ERAP1: variants seen among roughly 807,000 people sequenced by gnomAD.
ERAP1 encodes the protein endoplasmic reticulum aminopeptidase 1.
ERAP1 carries 86 observed loss-of-function variants against 103.7 expected under a neutral mutation model. That is an observed-to-expected ratio of 0.83 (90% CI 0.70 to 0.99). The LOEUF is 0.99. Among genes scored for constraint, ERAP1 ranks in the 50% least tolerant of loss-of-function variants. The probability of loss-of-function intolerance (pLI) is 0.00; values close to 1 mark genes in which losing one functional copy is unlikely to be tolerated. For missense variants in ERAP1, 1,009 were observed against 1,128.4 expected (o/e 0.89, Z 1.52); for synonymous variants, 398 against 402.4 (o/e 0.99, Z 0.13).
At chr5:96,847,431 C>A in the ERAP1 span, among the ~76,000 whole-genome samples, 2 of 152,024 alleles carry the variant, frequency 1.3e-5, no homozygotes, top group Non-Finnish European at 1.5e-5. Flanking sequence ...GACAGAAAAT[C>A]AATTAGGAAA....
the ERAP1 span, among the ~76,000 whole-genome samples, chr5:96,828,577 G>A: frequency 3.4e-4 from 51 of 152,160 alleles, 1 homozygote; most frequent in Admixed American, 1.3e-4. Context: ...ATAGGGCAGG[G>A]TGGTATTTGG....
the ERAP1 span, among the ~76,000 whole-genome samples, chr5:96,923,101 G>C: frequency 6.6e-6 from 1 of 152,014 alleles, no homozygotes; most frequent in Non-Finnish European, 1.5e-5. Context: ...AGCTTCCCAC[G>C]TAGTTGTGAC....
chr5:96,780,718 G>A (rs1221384082), intron 17 of ERAP1, among the ~76,000 whole-genome samples: 1 of 152,186 alleles, frequency 6.6e-6, no homozygotes. Flanking sequence ...GAAAATGACA[G>A]AAGCAGGAAA....
At chr5:96,874,250 C>T in the ERAP1 span, among the ~76,000 whole-genome samples, 1 of 152,086 alleles carries the variant, frequency 6.6e-6, no homozygotes, top group Non-Finnish European at 1.5e-5. Context: ...TTTAAATAAG[C>T]TACAAGTACT....
At chr5:96,919,719 A>T in the ERAP1 span, 18 of 152,458 alleles carry the variant, frequency 1.2e-4, no homozygotes, top group East Asian at 3.4e-3. Context: ...TGTACTTATT[A>T]GTGTAGTATT....
At chr5:96,927,123 C>T in the ERAP1 span, among the ~76,000 whole-genome samples, 1 of 152,112 alleles carries the variant, frequency 6.6e-6, no homozygotes, top group African/African-American at 2.4e-5. Context: ...AGTCTATGTA[C>T]AAGTTTTTGA....
At chr5:96,786,933 C>A (rs562971876) in intron 11 of ERAP1, among the ~76,000 whole-genome samples, 1 of 152,200 alleles carries the variant, frequency 6.6e-6, no homozygotes, top group South Asian at 2.1e-4. Flanking sequence ...TGAACCTGAT[C>A]ATGGAGAAAC....
At chr5:96,770,921 A>C (rs1772075911), downstream of ERAP1, among the ~76,000 whole-genome samples, 1 of 152,118 alleles carries the variant, frequency 6.6e-6, no homozygotes, top group African/African-American at 2.4e-5. Context: ...GAAGTTGGAA[A>C]CTTCCTATTA....
the ERAP1 span, chr5:96,909,181 C>A: frequency 6.5e-7 from 1 of 1,539,964 alleles, no homozygotes; most frequent in Non-Finnish European, 8.9e-7. Flanking sequence ...CAGTCAGGCT[C>A]AGTTTGTTTT....
the ERAP1 span, among the ~76,000 whole-genome samples, chr5:96,828,280 T>C: frequency 1.3e-5 from 2 of 152,182 alleles, no homozygotes; most frequent in Admixed American, 6.5e-5. Context: ...AAAATAAACA[T>C]TGATACATTT....
At chr5:96,926,058 G>A in the ERAP1 span, among the ~76,000 whole-genome samples, 2 of 151,878 alleles carry the variant, frequency 1.3e-5, no homozygotes, top group Non-Finnish European at 2.9e-5. Context: ...CTACAGGCGC[G>A]TGCCACCACG....
At chr5:96,852,430 T>C in the ERAP1 span, among the ~76,000 whole-genome samples, 1 of 152,118 alleles carries the variant, frequency 6.6e-6, no homozygotes, top group Non-Finnish European at 1.5e-5. Context: ...AAGTCAGACA[T>C]AGAAAAGAAA....
the ERAP1 span, among the ~76,000 whole-genome samples, chr5:96,840,815 C>T: frequency 6.6e-6 from 1 of 151,996 alleles, no homozygotes; most frequent in Non-Finnish European, 1.5e-5. Flanking sequence ...AAGCGATTCT[C>T]CTGCCTCAGC....
At chr5:96,783,790 T>C (rs1312878660) in intron 14 of ERAP1, 134 bp downstream of exon 14, 1 of 942,592 alleles carries the variant, frequency 1.1e-6, no homozygotes, top group African/African-American at 1.7e-5. Context: ...TAATATTTAT[T>C]TGCTTTTCCT....
At position 96,780,466 on chromosome 5, in the gene ERAP1, A is replaced by G. The variant is rs1192903496; in HGVS notation, c.2627T>C (p.Met876Thr). 6.2e-7 allele frequency: 1 copy of G among 1,613,374 alleles called. No individual in the cohort carries two copies. The highest frequency in any genetic ancestry group is 8.5e-7 in the Non-Finnish European group (1 of 1,179,734). ...TGTGGAGAATTGATTTGTTGTACCC[A>G]TTACCATGTGGGCTATGGAAGATGA... is the stretch of plus-strand genomic sequence containing the variant. ...LGSSSIAHMV[M>T]GTTNQFSTRT... Residue 876 changes from methionine to threonine, a missense_variant, in exon 18 of 19, where the codon ATG becomes ACG. Met to Thr is a moderately conservative substitution (Grantham distance 81). This residue lies in a region of ERAP1 where 611 missense variants were observed against 651.7 expected (regional missense o/e 0.94). Coordinates refer to ENST00000443439, the MANE Select transcript of ERAP1 (RefSeq NM_001040458.3).
the ERAP1 span, among the ~76,000 whole-genome samples, chr5:96,933,398 A>G: frequency 6.6e-6 from 1 of 151,760 alleles, no homozygotes; most frequent in Non-Finnish European, 1.5e-5. Flanking sequence ...ACTCCCGGCT[A>G]ATTTTATTTT....
chr5:96,795,107 G>C lies in ERAP1; in HGVS notation c.854C>G (p.Ala285Gly). ...ATAAAATTCTAGAAGAGTCACCGCA[G>C]CATCCAGTGCATAATCTGCTTGATT... ...KINQADYALD[A>G]AVTLLEFYED... The change falls in exon 5 of 19, where the codon GCT becomes GGT. Residue 285 changes from alanine (A) to glycine (G), a missense_variant. Around this residue, in one of 3 missense-constraint regions of ERAP1, gnomAD observed 392 missense variants for 455.2 expected, o/e 0.86. Transcript: ENST00000443439. The C allele has an allele frequency of 6.2e-7, 1 of 1,613,812 alleles. No homozygotes were observed. The highest frequency in any genetic ancestry group is 8.5e-7 in the Non-Finnish European group (1 of 1,179,876).
intron 3 of ERAP1, 126 bp downstream of exon 3, chr5:96,800,736 G>T: frequency 9.8e-7 from 1 of 1,017,628 alleles, no homozygotes; most frequent in Non-Finnish European, 1.5e-6. Context: ...TAAATGAAAA[G>T]TTAGTAACGA....
At chr5:96,901,651 A>C in the ERAP1 span, 1 of 1,614,026 alleles carries the variant, frequency 6.2e-7, no homozygotes, top group Non-Finnish European at 8.5e-7. Flanking sequence ...GTTTTCCAGG[A>C]AGACCCTGAA....
Sources: allele counts gnomAD v4.1 joint callset (sites outside exome capture counted in the v4.1 genomes callset), GRCh38; gene constraint gnomAD v4.1.1; regional missense constraint gnomAD v4.1.1; transcripts MANE v1.5; gene names NCBI Gene and HGNC (gene_info 2026-07-23, HGNC 2026-07-21).